Variants in ITGB2 observed in about 807,000 individuals in gnomAD.
ITGB2 encodes integrin beta-2.
A neutral mutation model predicts 86.8 loss-of-function variants in ITGB2; 56 were observed. The ratio of observed to expected loss-of-function variants is 0.65; its 90% CI spans 0.52 to 0.81. The LOEUF (loss-of-function observed/expected upper bound fraction) is 0.81, where lower values mean the gene tolerates loss of function less well. ITGB2 is among the 30% of genes least tolerant of loss of function. The pLI, the probability that ITGB2 is intolerant of heterozygous loss-of-function variation, is 0.00. For synonymous variants in ITGB2, 457 were observed against 450.4 expected (o/e 1.01, Z -0.19); for missense variants, 948 against 1,061.2 (o/e 0.89, Z 1.48).
intron 1 of ITGB2, 137 bp from the exon 2 acceptor site, chr21:44,910,922 CCAGCA>C (rs760185767): frequency 4.4e-5 from 36 of 825,928 alleles, no homozygotes; most frequent in Middle Eastern, 3.5e-4. Flanking sequence ...TAGGGTCAGG[CCAGCA>C]CAGCTGCACT....
At chr21:44,893,582 T>C in intron 9 of ITGB2, 38 bp from the exon 10 acceptor site, 1 of 1,611,942 alleles carries the variant, frequency 6.2e-7, no homozygotes, top group Non-Finnish European at 8.5e-7. Flanking sequence ...GGGCGAGTGT[T>C]TCTGTTGTCC....
At chr21:44,924,395 A>C (rs181199232), upstream of ITGB2, among the ~76,000 whole-genome samples, 69 of 152,346 alleles carry the variant, frequency 4.5e-4, 2 homozygotes, top group East Asian at 0.013. Flanking sequence ...GTGCCACTGC[A>C]TTCCAGCCTG....
chr21:44,904,342 C>T (rs1198551757), intron 4 of ITGB2, among the ~76,000 whole-genome samples: 1 of 152,058 alleles, frequency 6.6e-6, no homozygotes, highest in Non-Finnish European at 1.5e-5. Flanking sequence ...ACCACATGCA[C>T]ACACAGTCAC....
upstream of ITGB2, chr21:44,922,972 T>C (rs2084328233): frequency 6.6e-6 from 1 of 152,196 alleles, no homozygotes; most frequent in Non-Finnish European, 1.5e-5. Context: ...CTACACCCGC[T>C]GATGACTTAA....
rs1031597135 is a variant in ITGB2, at chr21:44,928,020, C to T, written c.-4+634G>A. On this transcript the variant is annotated intron_variant, in intron 1 of 15. Transcript: ENST00000355153. ...CCCCTGTGGCCTGGGTGGGCCTGTGCCCCCCCAACCCCCCGACGCAGCTTC... is the reference window on the plus strand; with the variant it reads ...CCCCTGTGGCCTGGGTGGGCCTGTGTCCCCCCAACCCCCCGACGCAGCTTC... 64 of 150,052 alleles carry T rather than the reference C, an allele frequency of 4.3e-4. No individual in the cohort carries two copies. The Middle Eastern group carries it at 0.01, about 24-fold the overall frequency. 9.3% of individuals were successfully genotyped at this position (150,052 alleles called of 1,614,324 possible). A position where few individuals can be genotyped will look rare whatever the true frequency, so the allele number is the denominator to read the frequency against.
At chr21:44,894,873 C>T in intron 9 of ITGB2, 98 bp downstream of exon 9, 2 of 904,646 alleles carry the variant, frequency 2.2e-6, no homozygotes, top group Non-Finnish European at 3.7e-6. Context: ...GCTTTCCTCC[C>T]AGACCACCCT....
At chr21:44,910,903 G>A (rs2084122083) in intron 1 of ITGB2, 118 bp from the exon 2 acceptor site, 1 of 1,063,504 alleles carries the variant, frequency 9.4e-7, no homozygotes, top group Non-Finnish European at 1.4e-6. Context: ...CCTGCTGCAG[G>A]GGGTGGGTTA....
upstream of ITGB2, among the ~76,000 whole-genome samples, chr21:44,921,730 G>A (rs3761394): frequency 0.31 from 46,521 of 151,840 alleles, 8,965 homozygotes; most frequent in African/African-American, 0.55. Flanking sequence ...TATGTTTTCA[G>A]TTTTTTTTGA....
At chr21:44,922,443 A>G (rs1295925923), upstream of ITGB2, among the ~76,000 whole-genome samples, 2 of 152,080 alleles carry the variant, frequency 1.3e-5, no homozygotes, top group Non-Finnish European at 1.5e-5. Flanking sequence ...TGGGAGGATC[A>G]CTTGAGCCCA....
intron 1 of ITGB2, chr21:44,911,252 C>T (rs2084127516): frequency 3.8e-6 from 1 of 262,106 alleles, no homozygotes; most frequent in Admixed American, 4.9e-5. Flanking sequence ...ACACTACACA[C>T]CACACACAAA....
Position 44,894,920 on chromosome 21 carries a change from G to A in ITGB2, c.1083+51C>T, listed in dbSNP as rs370940498. ...GCAGCAGGAGCTGACCTGCAGTGGG[G>A]AGATTGCTGGCCACCCCATGGGTCC... On this transcript the variant is annotated intron_variant, in intron 9 of 15. Coordinates refer to ENST00000652462, the MANE Select transcript of ITGB2 (RefSeq NM_000211.5). 3.5e-5 allele frequency: 43 copies of A among 1,233,188 alleles called. No individual in the cohort carries two copies. In the African/African-American group the frequency reaches 4.8e-4, roughly 14 times the overall value. The allele number at this position is 1,233,188 out of a possible 1,614,324, so 76.4% of individuals were successfully genotyped here. A position where few individuals can be genotyped will look rare whatever the true frequency, so the allele number is the denominator to read the frequency against.
intron 1 of ITGB2, among the ~76,000 whole-genome samples, chr21:44,919,383 T>A (rs1435148222): frequency 2.0e-5 from 3 of 152,174 alleles, no homozygotes; most frequent in Non-Finnish European, 2.9e-5. Flanking sequence ...GGGATTCTGC[T>A]GTGAGCTGGA....
chr21:44,899,951 C>A (rs1307096158), intron 7 of ITGB2, among the ~76,000 whole-genome samples: 1 of 152,190 alleles, frequency 6.6e-6, no homozygotes. Context: ...GAGGCGGATG[C>A]TTGGGGATGG....
At chr21:44,901,445 C>G in intron 6 of ITGB2, 47 bp downstream of exon 6, 2 of 1,604,048 alleles carry the variant, frequency 1.2e-6, no homozygotes. Flanking sequence ...GACAGAGCCC[C>G]CCACACTGGG....
intron 9 of ITGB2, chr21:44,893,963 G>A (rs2083826812): frequency 3.1e-6 from 1 of 318,260 alleles, no homozygotes; most frequent in South Asian, 2.6e-5. Context: ...GAGAGAGGCA[G>A]AGACAGAGAC....
upstream of ITGB2, chr21:44,922,874 A>G (rs138304510): frequency 3.9e-5 from 6 of 152,334 alleles, no homozygotes; most frequent in East Asian, 9.6e-4. Context: ...AACAAGTTCC[A>G]ATGAAATGTT....
intron 1 of ITGB2, among the ~76,000 whole-genome samples, 177 bp downstream of exon 1, chr21:44,920,644 C>A (rs1170063059): frequency 6.6e-6 from 1 of 152,256 alleles, no homozygotes; most frequent in Non-Finnish European, 1.5e-5. Context: ...GTGGCAGGCA[C>A]TTCCCCTTGC....
intron 9 of ITGB2, 162 bp from the exon 10 acceptor site, chr21:44,893,706 A>G: frequency 1.1e-6 from 1 of 885,158 alleles, no homozygotes; most frequent in South Asian, 1.4e-5. Flanking sequence ...TGAGGATGGC[A>G]GGGCTGCCAG....
At chr21:44,907,831 G>A (rs529048046) in intron 3 of ITGB2, among the ~76,000 whole-genome samples, 8 of 152,364 alleles carry the variant, frequency 5.3e-5, no homozygotes, top group South Asian at 4.1e-4. Flanking sequence ...GGTGGGAGGG[G>A]AGGGCGACAG....
Sources: allele counts gnomAD v4.1 joint callset (sites outside exome capture counted in the v4.1 genomes callset), GRCh38; gene constraint gnomAD v4.1.1; transcripts MANE v1.5; gene names NCBI Gene and HGNC (gene_info 2026-07-23, HGNC 2026-07-21).